NRG3: variants seen among roughly 807,000 people sequenced by gnomAD.
NRG3 encodes the protein neuregulin 3.
NRG3 carries 31 observed loss-of-function variants against 66.9 expected under a neutral mutation model. The observed-to-expected ratio is 0.46, with a 90% CI of 0.35 to 0.63. NRG3 has a LOEUF of 0.63. Ranked by LOEUF, NRG3 falls within the 20% of genes least tolerant of loss-of-function variation. NRG3 has a pLI of 0.00. For missense variants in NRG3, 910 were observed against 878.9 expected (o/e 1.04, Z -0.45); for synonymous variants, 393 against 359.4 (o/e 1.09, Z -1.06).
chr10:81,897,831 C>A (rs1232939111), intron 1 of NRG3, among the ~76,000 whole-genome samples: 1 of 152,086 alleles, frequency 6.6e-6, no homozygotes, highest in Non-Finnish European at 1.5e-5. Context: ...TTATGCACAC[C>A]ATATAGACTG....
intron 2 of NRG3, among the ~76,000 whole-genome samples, chr10:82,497,889 C>A (rs1450162009): frequency 6.6e-6 from 1 of 152,182 alleles, no homozygotes; most frequent in Non-Finnish European, 1.5e-5. Flanking sequence ...TCTTCACATT[C>A]TCACCAACAC....
chr10:82,390,546 A>G (rs1490351484), intron 2 of NRG3, among the ~76,000 whole-genome samples: 1 of 152,148 alleles, frequency 6.6e-6, no homozygotes, highest in Non-Finnish European at 1.5e-5. Flanking sequence ...CATTGTTTAC[A>G]CTTTCACACC....
intron 1 of NRG3, among the ~76,000 whole-genome samples, chr10:82,349,070 A>C (rs1040990267): frequency 6.6e-5 from 10 of 152,168 alleles, no homozygotes; most frequent in Non-Finnish European, 1.0e-4. Flanking sequence ...CAGCTCGTCA[A>C]AGTCATTCTC....
At chr10:82,519,405 A>G (rs956068618) in intron 2 of NRG3, among the ~76,000 whole-genome samples, 3 of 152,170 alleles carry the variant, frequency 2.0e-5, no homozygotes, top group African/African-American at 7.2e-5. Flanking sequence ...TGAATATAGC[A>G]GATTGTTCTG....
intron 3 of NRG3, among the ~76,000 whole-genome samples, chr10:82,779,669 C>T (rs2060040769): frequency 6.6e-6 from 1 of 151,932 alleles, no homozygotes; most frequent in African/African-American, 2.4e-5. Flanking sequence ...ATTTCATTTC[C>T]AAAATTTTAA....
At chr10:82,291,809 C>T (rs1040412557) in intron 1 of NRG3, among the ~76,000 whole-genome samples, 1 of 152,274 alleles carries the variant, frequency 6.6e-6, no homozygotes, top group South Asian at 2.1e-4. Flanking sequence ...ATAAACCTCA[C>T]ACCTTATATA....
intron 2 of NRG3, among the ~76,000 whole-genome samples, chr10:82,736,039 T>C (rs1258683844): frequency 6.6e-6 from 1 of 152,220 alleles, no homozygotes; most frequent in Non-Finnish European, 1.5e-5. Flanking sequence ...CTTTGTCATG[T>C]ATTAAGATGA....
At chr10:82,705,108 G>T (rs1029043816) in intron 2 of NRG3, among the ~76,000 whole-genome samples, 1 of 152,164 alleles carries the variant, frequency 6.6e-6, no homozygotes, top group South Asian at 2.1e-4. Context: ...AGAAACAAGA[G>T]TAAGCCTTCA....
At chr10:82,688,466 A>G (rs1376510396) in intron 2 of NRG3, among the ~76,000 whole-genome samples, 14 of 152,254 alleles carry the variant, frequency 9.2e-5, no homozygotes, top group Non-Finnish European at 4.4e-5. Context: ...AATGTTTTCT[A>G]CTAGAGATTG....
At chr10:81,930,938 C>T (rs1299709861) in intron 1 of NRG3, among the ~76,000 whole-genome samples, 2 of 152,096 alleles carry the variant, frequency 1.3e-5, no homozygotes, top group Non-Finnish European at 2.9e-5. Flanking sequence ...ATTCCATGGA[C>T]GGTTTGTAAA....
intron 2 of NRG3, among the ~76,000 whole-genome samples, chr10:82,553,317 A>G (rs1378786236): frequency 6.6e-6 from 1 of 151,954 alleles, no homozygotes; most frequent in African/African-American, 2.4e-5. Flanking sequence ...GAGGATAACT[A>G]GTGAGAACCG....
At chr10:82,016,295 G>A (rs1564739683) in intron 1 of NRG3, among the ~76,000 whole-genome samples, 1 of 152,104 alleles carries the variant, frequency 6.6e-6, no homozygotes, top group Non-Finnish European at 1.5e-5. Flanking sequence ...GATTGGAGAA[G>A]TGGGCAGGAA....
chr10:82,799,679 A>G (rs1038587127), intron 3 of NRG3: 8 of 152,190 alleles, frequency 5.3e-5, no homozygotes, highest in Admixed American at 2.0e-4. Context: ...ACCAGGCCCA[A>G]TGGTGAACTC....
At chr10:82,493,385 G>A (rs752609854) in intron 2 of NRG3, among the ~76,000 whole-genome samples, 1 of 152,056 alleles carries the variant, frequency 6.6e-6, no homozygotes, top group Non-Finnish European at 1.5e-5. Flanking sequence ...GCGATGTTTG[G>A]TTTTCTGTTT....
At position 82,675,253 on chromosome 10, in the gene NRG3, G is replaced by A. The variant is rs560416479; in HGVS notation, c.954-63324G>A. Among the ~76,000 whole-genome samples, 8 of 152,194 alleles carry A rather than the reference G, an allele frequency of 5.3e-5. 1 individual carries two copies. Among genetic ancestry groups the A allele is most frequent in the East Asian group, 3.9e-4 (2 of 5,152 alleles). On this transcript the variant is annotated intron_variant, in intron 2 of 8. Transcript: ENST00000372141. ...ATTACAGGTGTGAGACACTGCACCC[G>A]GCCTTGGGGTTTTTCAAAGATTGTT... is the stretch of plus-strand genomic sequence containing the variant.
chr10:82,132,339 G>A (rs1212578305), intron 1 of NRG3, among the ~76,000 whole-genome samples: 1 of 149,844 alleles, frequency 6.7e-6, no homozygotes, highest in Admixed American at 6.7e-5. Flanking sequence ...TTATCGTGTT[G>A]ATTGATTTGC....
chr10:82,034,965 T>C (rs2062735214), intron 1 of NRG3, among the ~76,000 whole-genome samples: 1 of 152,128 alleles, frequency 6.6e-6, no homozygotes, highest in African/African-American at 2.4e-5. Flanking sequence ...CTGTGTTCTC[T>C]AGAAACCCAA....
chr10:82,251,871 C>T (rs767325356), intron 1 of NRG3, among the ~76,000 whole-genome samples: 1 of 152,072 alleles, frequency 6.6e-6, no homozygotes. Context: ...GCTTCTTGTC[C>T]TGACAACTCT....
chr10:82,947,405 A>C (rs1849123894), intron 4 of NRG3, among the ~76,000 whole-genome samples: 1 of 152,144 alleles, frequency 6.6e-6, no homozygotes, highest in African/African-American at 2.4e-5. Context: ...ATTAAAAATA[A>C]AGTTTCTATG....
Sources: gnomAD v4.1 joint callset for allele counts (sites outside exome capture counted in the v4.1 genomes callset) on GRCh38, gnomAD v4.1.1 for gene constraint, MANE v1.5 for transcripts, NCBI Gene and HGNC (gene_info 2026-07-23, HGNC 2026-07-21) for gene names.